The following FAM193A variants were observed in gnomAD, a reference collection of about 807,000 sequenced individuals.
FAM193A encodes protein FAM193A.
FAM193A carries 22 observed loss-of-function variants against 126.5 expected under a neutral mutation model. That is an observed-to-expected ratio of 0.17 (90% CI 0.12 to 0.25). The LOEUF is 0.25. Among genes scored for constraint, FAM193A ranks in the 10% least tolerant of loss-of-function variants. The pLI is 1.00. For synonymous variants in FAM193A, 761 were observed against 646.8 expected (o/e 1.18, Z -2.68); for missense variants, 1,675 against 1,672.8 (o/e 1.00, Z -0.02).
In FAM193A at chr4:2,625,293, G is replaced by A. The variant is rs952267517; in HGVS notation, c.533G>A (p.Gly178Asp). 8.5e-6 allele frequency: 6 copies of A among 702,724 alleles called. No individual in the cohort carries two copies. In the African/African-American group the frequency reaches 1.0e-4, roughly 12 times the overall value. 43.5% of individuals were successfully genotyped at this position (702,724 alleles called of 1,614,324 possible). ...SQDFLLHSSL[G>D]GSQPEAGSGG... Reference sequence around the variant, plus strand: ...GATTTTCTTCTTCACTCCTCGCTTGGTGGCTCCCAGCCAGAGGCCGGCAGT... The same window carrying A: ...GATTTTCTTCTTCACTCCTCGCTTGATGGCTCCCAGCCAGAGGCCGGCAGT... The change falls in exon 3 of 21, where the codon GGT becomes GAT. Residue 178 changes from glycine to aspartate, a missense_variant. Gly to Asp is a moderately conservative substitution (Grantham distance 94). Transcript: ENST00000637812.
At chr4:2,566,630 G>T (rs1160918848) in intron 1 of FAM193A, among the ~76,000 whole-genome samples, 1 of 152,080 alleles carries the variant, frequency 6.6e-6, no homozygotes, top group Non-Finnish European at 1.5e-5. Flanking sequence ...CGAGGTTGCA[G>T]TGAGCCAAGA....
chr4:2,609,458 G>A (rs1741730749), intron 2 of FAM193A, among the ~76,000 whole-genome samples: 1 of 152,024 alleles, frequency 6.6e-6, no homozygotes, highest in Non-Finnish European at 1.5e-5. Flanking sequence ...TTTCAAGGCT[G>A]TTTTAGACTC....
At chr4:2,555,911 T>G (rs1738227730) in intron 1 of FAM193A, among the ~76,000 whole-genome samples, 1 of 150,260 alleles carries the variant, frequency 6.7e-6, no homozygotes, top group South Asian at 2.1e-4. Context: ...AGACACTGTT[T>G]TTTTTTTTTT....
intron 1 of FAM193A, among the ~76,000 whole-genome samples, chr4:2,554,682 C>G (rs1484512362): frequency 1.3e-5 from 2 of 152,074 alleles, no homozygotes; most frequent in Non-Finnish European, 2.9e-5. Context: ...GTTGAAGTCT[C>G]TGCCTAAAAT....
chr4:2,611,342 C>T (rs1741860207), intron 2 of FAM193A, among the ~76,000 whole-genome samples: 2 of 152,142 alleles, frequency 1.3e-5, no homozygotes, highest in African/African-American at 4.8e-5. Flanking sequence ...AATCTCGGCT[C>T]ACTGCAGCCT....
chr4:2,594,913 C>T (rs1350241448), intron 1 of FAM193A, among the ~76,000 whole-genome samples: 1 of 141,604 alleles, frequency 7.1e-6, no homozygotes, highest in East Asian at 2.2e-4. Flanking sequence ...ACTGCAACCT[C>T]CACCTTCCAG....
chr4:2,708,940 C>T (rs1432124127), intron 19 of FAM193A, among the ~76,000 whole-genome samples: 2 of 152,022 alleles, frequency 1.3e-5, no homozygotes, highest in African/African-American at 4.8e-5. Flanking sequence ...TGCATCTTTT[C>T]TGATCTTAAC....
intron 19 of FAM193A, among the ~76,000 whole-genome samples, chr4:2,713,424 G>T (rs1231854243): frequency 6.6e-6 from 1 of 151,986 alleles, no homozygotes; most frequent in East Asian, 1.9e-4. Flanking sequence ...AAAAAAATTG[G>T]GGTATTAGGA....
chr4:2,630,802 G>C lies in FAM193A; in HGVS notation c.804-133G>C, dbSNP rs533151246. ...GGGGTGATTGTGCTTCTCACAGGTG[G>C]TTATGAGGAAGGTGACTGTGTGGTC... On this transcript the variant is annotated intron_variant, in intron 4 of 20. Coordinates refer to ENST00000637812, the MANE Select transcript of FAM193A (RefSeq NM_001366318.2). 4.7e-5 allele frequency: 28 copies of C among 597,720 alleles called. No individual in the cohort carries two copies. The South Asian group carries it at 5.5e-4, about 12-fold the overall frequency. 37.0% of individuals were successfully genotyped at this position (597,720 alleles called of 1,614,324 possible). A position where few individuals can be genotyped will look rare whatever the true frequency, so the allele number is the denominator to read the frequency against.
intron 20 of FAM193A, among the ~76,000 whole-genome samples, chr4:2,717,331 A>G (rs111559317): frequency 0.38 from 57,105 of 151,926 alleles, 11,278 homozygotes; most frequent in Admixed American, 0.55. Context: ...GGTGGCTCAC[A>G]CCTGTAATCC....
chr4:2,647,238 C>T (rs990155183), intron 7 of FAM193A, among the ~76,000 whole-genome samples: 1 of 152,082 alleles, frequency 6.6e-6, no homozygotes, highest in Non-Finnish European at 1.5e-5. Context: ...CTCCGCCTCC[C>T]GGGTTCAAGT....
At chr4:2,549,395 C>CTTTTTTTTTTTTTTTTTT (rs869161808) in intron 1 of FAM193A, among the ~76,000 whole-genome samples, 4 of 122,648 alleles carry the variant, frequency 3.3e-5, no homozygotes, top group Admixed American at 8.2e-5. Flanking sequence ...TTCTTTTTTT[C>CTTTTTTTTTTTTTTTTTT]TTTTTTTTTT....
At chr4:2,639,636 G>T (rs1463655326) in intron 5 of FAM193A, 99 bp from the exon 6 acceptor site, 2 of 882,380 alleles carry the variant, frequency 2.3e-6, no homozygotes, top group South Asian at 1.6e-5. Context: ...TGTGCGTGGT[G>T]GGGGGAAATG....
At chr4:2,731,295 G>C (rs1413661392) in intron 20 of FAM193A, among the ~76,000 whole-genome samples, 1 of 151,576 alleles carries the variant, frequency 6.6e-6, no homozygotes, top group Non-Finnish European at 1.5e-5. Flanking sequence ...TTGAACCTTG[G>C]AGGTGGAGGT....
chr4:2,583,173 C>T (rs928361367), intron 1 of FAM193A, among the ~76,000 whole-genome samples: 1 of 152,162 alleles, frequency 6.6e-6, no homozygotes. Context: ...TGTCTTTGAC[C>T]ACATTGGCCA....
chr4:2,672,018 A>G, intron 12 of FAM193A, 103 bp from the exon 13 acceptor site: 1 of 1,302,928 alleles, frequency 7.7e-7, no homozygotes, highest in Non-Finnish European at 1.1e-6. Context: ...AAGCCCACTT[A>G]CCTTTGTATT....
intron 7 of FAM193A, among the ~76,000 whole-genome samples, chr4:2,655,471 G>A (rs992023790): frequency 4.0e-5 from 6 of 151,532 alleles, no homozygotes; most frequent in African/African-American, 7.3e-5. Context: ...GTGTGTATTC[G>A]GACAGCTATA....
In FAM193A at chr4:2,663,294, A is replaced by G. The variant is rs1339933204; in HGVS notation, c.2079+6A>G. The G allele has an allele frequency of 1.3e-6, 2 of 1,549,424 alleles. No individual in the cohort carries two copies. Among genetic ancestry groups the G allele is most frequent in the Non-Finnish European group, 1.7e-6 (2 of 1,149,572 alleles). On this transcript the variant is annotated splice_donor_region_variant and intron_variant, in intron 12 of 20. Coordinates refer to ENST00000637812, the MANE Select transcript of FAM193A (RefSeq NM_001366318.2). Reference sequence around the variant, plus strand: ...CATCCTACCCAACACAGCAGGTAGGACTTTGCTTGCTGTTTTGCCAAGGAT... The same window carrying G: ...CATCCTACCCAACACAGCAGGTAGGGCTTTGCTTGCTGTTTTGCCAAGGAT...
intron 6 of FAM193A, among the ~76,000 whole-genome samples, chr4:2,643,803 G>C (rs1053456918): frequency 6.6e-6 from 1 of 152,192 alleles, no homozygotes; most frequent in Non-Finnish European, 1.5e-5. Context: ...GGACGGCTCT[G>C]CTCAGATCCC....
Sources: allele counts gnomAD v4.1 joint callset (sites outside exome capture counted in the v4.1 genomes callset), GRCh38; gene constraint gnomAD v4.1.1; transcripts MANE v1.5; gene names NCBI Gene and HGNC (gene_info 2026-07-23, HGNC 2026-07-21).